The following CHN2 variants were observed in gnomAD, a reference collection of about 807,000 sequenced individuals.
CHN2 encodes the protein beta-chimaerin.
CHN2 carries 35 observed loss-of-function variants against 56.3 expected under a neutral mutation model. That is an observed-to-expected ratio of 0.62 (90% CI 0.47 to 0.82). The LOEUF (loss-of-function observed/expected upper bound fraction) is 0.82. Among genes scored for constraint, CHN2 ranks in the 40% least tolerant of loss-of-function variants. The pLI is 0.00. For missense variants in CHN2, 491 were observed against 580.5 expected (o/e 0.85, Z 1.58); for synonymous variants, 210 against 212.8 (o/e 0.99, Z 0.12).
chr7:29,383,874 A>G (rs1039219539), intron 3 of CHN2, among the ~76,000 whole-genome samples: 2 of 152,194 alleles, frequency 1.3e-5, no homozygotes, highest in Non-Finnish European at 2.9e-5. Flanking sequence ...GGAAGGTGAT[A>G]AAAGGATATA....
intron 1 of CHN2, among the ~76,000 whole-genome samples, chr7:29,302,522 TA>T (rs375734318): frequency 6.7e-5 from 9 of 133,434 alleles, no homozygotes; most frequent in African/African-American, 8.1e-5. Context: ...TTTTTTTTTT[TA>T]AGAGATAGGG....
At chr7:29,286,498 C>T (rs1029722142) in intron 1 of CHN2, among the ~76,000 whole-genome samples, 6 of 152,242 alleles carry the variant, frequency 3.9e-5, no homozygotes, top group South Asian at 2.1e-4. Context: ...TCTGAGGTTT[C>T]CGTGGGGCAG....
chr7:29,328,866 A>G (rs1379525611), intron 1 of CHN2, among the ~76,000 whole-genome samples: 2 of 152,182 alleles, frequency 1.3e-5, no homozygotes, highest in South Asian at 2.1e-4. Context: ...AAATTCCACC[A>G]TCTGTTGATG....
chr7:29,249,503 A>G (rs977690732), intron 1 of CHN2, among the ~76,000 whole-genome samples: 2 of 152,174 alleles, frequency 1.3e-5, no homozygotes, highest in Admixed American at 1.3e-4. Flanking sequence ...TCCTCTAGAA[A>G]CACCTTCACA....
intron 2 of CHN2, among the ~76,000 whole-genome samples, chr7:29,362,954 G>A (rs1476187223): frequency 6.6e-6 from 1 of 152,318 alleles, no homozygotes; most frequent in East Asian, 1.9e-4. Flanking sequence ...AGCCACTTGA[G>A]CCACACTTCC....
intron 1 of CHN2, among the ~76,000 whole-genome samples, chr7:29,287,065 G>A (rs1168422918): frequency 6.6e-6 from 1 of 152,096 alleles, no homozygotes; most frequent in African/African-American, 2.4e-5. Flanking sequence ...TAGTCCATTT[G>A]TTTCTGGTGG....
intron 1 of CHN2, among the ~76,000 whole-genome samples, chr7:29,276,067 A>T (rs1791182674): frequency 1.3e-5 from 2 of 150,278 alleles, no homozygotes; most frequent in Admixed American, 6.7e-5. Context: ...AAAAAAAAAA[A>T]CAAAACACGC....
chr7:29,499,209 G>A (rs1342554926), intron 8 of CHN2, among the ~76,000 whole-genome samples: 1 of 152,052 alleles, frequency 6.6e-6, no homozygotes, highest in Non-Finnish European at 1.5e-5. Context: ...ACATTACATG[G>A]TATTGTTATA....
At chr7:29,430,811 A>G (rs868089319) in intron 6 of CHN2, among the ~76,000 whole-genome samples, 71 of 135,094 alleles carry the variant, frequency 5.3e-4, no homozygotes, top group South Asian at 7.2e-4. Flanking sequence ...AAAAAAAAAA[A>G]GGGGACTTCT....
At chr7:29,287,511 T>G (rs1283371257) in intron 1 of CHN2, among the ~76,000 whole-genome samples, 29 of 152,154 alleles carry the variant, frequency 1.9e-4, no homozygotes, top group Non-Finnish European at 4.0e-4. Context: ...ACTCATGGAG[T>G]CTTAGTGAGG....
intron 6 of CHN2, among the ~76,000 whole-genome samples, chr7:29,473,960 G>A (rs908548724): frequency 6.6e-6 from 1 of 150,760 alleles, no homozygotes; most frequent in Admixed American, 6.6e-5. Context: ...CATAGTCATT[G>A]TAGGAAACTC....
At chr7:29,389,927 G>A (rs375707963) in intron 3 of CHN2, among the ~76,000 whole-genome samples, 6 of 151,720 alleles carry the variant, frequency 4.0e-5, no homozygotes, top group South Asian at 2.1e-4. Context: ...GGTGGTATGC[G>A]CCTGTAATCC....
intron 6 of CHN2, among the ~76,000 whole-genome samples, chr7:29,477,555 C>G (rs929548386): frequency 9.9e-5 from 15 of 152,228 alleles, no homozygotes; most frequent in Admixed American, 9.8e-4. Flanking sequence ...AGGTCTCTCT[C>G]GCTTTGCTAG....
Position 29,507,252 on chromosome 7 carries a change from C to T in CHN2, c.1016C>T (p.Ala339Val). ...GATGGTGAAAAGGCCGATATATCTG[C>T]CAATGTCTATCCAGACATAAACATC... ...DRDGEKADISANVYPDINIIT... is the reference protein window; with the variant it reads ...DRDGEKADISVNVYPDINIIT... Residue 339 changes from alanine to valine, a missense_variant, in exon 11 of 13, where the codon GCC (alanine) becomes GTC (valine). Coordinates refer to ENST00000222792, the MANE Select transcript of CHN2 (RefSeq NM_004067.4). 1 of 1,609,918 alleles carries T rather than the reference C, an allele frequency of 6.2e-7. No homozygotes were observed. The highest frequency in any genetic ancestry group is 8.5e-7 in the Non-Finnish European group (1 of 1,178,770).
chr7:29,314,398 A>G (rs995135560), intron 1 of CHN2, among the ~76,000 whole-genome samples: 1 of 152,146 alleles, frequency 6.6e-6, no homozygotes, highest in Non-Finnish European at 1.5e-5. Flanking sequence ...AGGAATGGAG[A>G]TTGGTTGTTT....
intron 6 of CHN2, among the ~76,000 whole-genome samples, chr7:29,470,829 G>A (rs1426839009): frequency 6.6e-6 from 1 of 152,192 alleles, no homozygotes. Context: ...GAAATTGAGT[G>A]TCTTGACTTT....
At chr7:29,401,825 G>C (rs535171449) in intron 6 of CHN2, among the ~76,000 whole-genome samples, 6 of 152,166 alleles carry the variant, frequency 3.9e-5, no homozygotes, top group African/African-American at 1.4e-4. Context: ...TGTTTGAAAG[G>C]CACCACCAGA....
At chr7:29,362,250 G>T (rs112134336) in intron 2 of CHN2, among the ~76,000 whole-genome samples, 12 of 152,306 alleles carry the variant, frequency 7.9e-5, no homozygotes, top group African/African-American at 2.9e-4. Flanking sequence ...TCAAGGCAAT[G>T]AATCTTCATT....
In CHN2 at chr7:29,513,016, TAAA is replaced by T; in HGVS notation, c.*285_*287del. The T allele has an allele frequency of 3.6e-6, 1 of 277,700 alleles. No individual in the cohort carries two copies. The highest frequency in any genetic ancestry group is 6.7e-6 in the Non-Finnish European group (1 of 149,298). The allele number at this position is 277,700 out of a possible 1,614,324, so 17.2% of individuals were successfully genotyped here. On this transcript the variant is annotated 3_prime_UTR_variant, in exon 13 of 13. Coordinates refer to ENST00000222792, the MANE Select transcript of CHN2 (RefSeq NM_004067.4). ...AGTGATTAATACATCTTTAATTTAT[TAAA>T]AAACAATGTAGACCTTTAAACTTCA...
Sources: allele counts gnomAD v4.1 joint callset (sites outside exome capture counted in the v4.1 genomes callset), GRCh38; gene constraint gnomAD v4.1.1; transcripts MANE v1.5; gene names NCBI Gene and HGNC (gene_info 2026-07-23, HGNC 2026-07-21).